GLIS3: variants seen among roughly 807,000 people sequenced by gnomAD.
GLIS3 encodes the protein zinc finger protein GLIS3.
GLIS3 carries 53 observed loss-of-function variants against 78.6 expected under a neutral mutation model. The observed-to-expected ratio is 0.67, with a 90% CI of 0.54 to 0.85. GLIS3 has a LOEUF of 0.85. Ranked by LOEUF, GLIS3 falls within the 40% of genes least tolerant of loss-of-function variation. The probability of loss-of-function intolerance (pLI) is 0.00; values close to 1 mark genes in which losing one functional copy is unlikely to be tolerated. For missense variants in GLIS3, 1,703 were observed against 1,231.1 expected, an observed-to-expected ratio of 1.38 and a Z score of -5.74; for synonymous variants, 684 against 509.9, an observed-to-expected ratio of 1.34 and a Z score of -4.60.
chr9:4,452,285 C>T, the GLIS3 span, among the ~76,000 whole-genome samples: 9 of 152,254 alleles, frequency 5.9e-5, no homozygotes, highest in South Asian at 1.0e-3. Context: ...TCCTCTCTCA[C>T]CACCCTTATT....
intron 4 of GLIS3, among the ~76,000 whole-genome samples, chr9:3,953,862 C>T (rs1193387579): frequency 6.9e-6 from 1 of 145,546 alleles, no homozygotes; most frequent in Non-Finnish European, 1.5e-5. Context: ...GTCACACACA[C>T]AAACACATGC....
intron 4 of GLIS3, among the ~76,000 whole-genome samples, chr9:3,983,022 C>T (rs962689086): frequency 6.6e-6 from 1 of 152,206 alleles, no homozygotes; most frequent in South Asian, 2.1e-4. Flanking sequence ...ATTTCCTGCA[C>T]ATGGAGCTTG....
intron 4 of GLIS3, among the ~76,000 whole-genome samples, chr9:4,101,722 C>A (rs952495534): frequency 5.3e-5 from 8 of 152,084 alleles, no homozygotes; most frequent in African/African-American, 1.9e-4. Context: ...TAAGCACTGC[C>A]GGCTTGACAT....
rs561262659 is a variant in GLIS3, at chr9:3,828,243, T to C, written c.*29A>G. ...AAGGTGGCAAGCAACATCAAGGTCC[T>C]GGGTGTGCAGGAGTGGCCAAGAGAG... On this transcript the variant is annotated 3_prime_UTR_variant, in exon 11 of 11. Transcript: ENST00000381971. The C allele has an allele frequency of 1.9e-6, 3 of 1,613,786 alleles. No individual in the cohort carries two copies. In the Admixed American group the frequency reaches 5.0e-5, roughly 27 times the overall value.
chr9:3,829,483 C>T lies in GLIS3; in HGVS notation c.2483G>A (p.Gly828Glu), dbSNP rs1817922832. The change falls in exon 10 of 11, where the codon GGG becomes GAG. Residue 828 changes from glycine to glutamate, a missense_variant. Transcript: ENST00000381971. ...PNGIHVHGFY[G>E]QLQKFCPPHY... is the part of the protein sequence containing the mutation. ...TGGGGGACAGAACTTCTGCAGCTGCCCATAAAATCCTGAAACGCAAGCATG... is the reference window on the plus strand; with the variant it reads ...TGGGGGACAGAACTTCTGCAGCTGCTCATAAAATCCTGAAACGCAAGCATG... The T allele has an allele frequency of 3.7e-6, 6 of 1,613,910 alleles. No individual in the cohort carries two copies. In the Admixed American group the frequency reaches 8.3e-5, roughly 22 times the overall value.
At chr9:4,065,943 A>C (rs184220407) in intron 4 of GLIS3, among the ~76,000 whole-genome samples, 21 of 152,226 alleles carry the variant, frequency 1.4e-4, no homozygotes, top group Non-Finnish European at 2.9e-4. Flanking sequence ...TTTTTGGCAC[A>C]TAAAAAATAT....
the GLIS3 span, among the ~76,000 whole-genome samples, chr9:4,375,101 C>G: frequency 1.3e-5 from 2 of 152,308 alleles, no homozygotes; most frequent in Admixed American, 1.3e-4. Flanking sequence ...CCTATCTTAT[C>G]CTGACAGAAC....
At chr9:4,240,463 G>A (rs1587106756) in intron 2 of GLIS3, among the ~76,000 whole-genome samples, 2 of 151,994 alleles carry the variant, frequency 1.3e-5, no homozygotes, top group Non-Finnish European at 1.5e-5. Context: ...TGGGGATTGG[G>A]AACCCCTGAT....
intron 2 of GLIS3, chr9:4,285,714 C>A: frequency 2.8e-6 from 1 of 351,828 alleles, no homozygotes; most frequent in Non-Finnish European, 5.4e-6. Context: ...TACCTGTATC[C>A]GGAGGGCATG....
intron 4 of GLIS3, among the ~76,000 whole-genome samples, chr9:3,949,123 T>G (rs1816498632): frequency 6.6e-6 from 1 of 152,174 alleles, no homozygotes; most frequent in South Asian, 2.1e-4. Flanking sequence ...TTTCAAGAGG[T>G]CAAGGAGATA....
At chr9:4,117,013 T>G (rs1389331830) in intron 4 of GLIS3, among the ~76,000 whole-genome samples, 1 of 152,110 alleles carries the variant, frequency 6.6e-6, no homozygotes, top group Non-Finnish European at 1.5e-5. Flanking sequence ...ATAGTAAATT[T>G]TGCCAAGAAA....
the GLIS3 span, among the ~76,000 whole-genome samples, chr9:4,481,887 C>G: frequency 1.3e-5 from 2 of 152,214 alleles, no homozygotes; most frequent in Non-Finnish European, 2.9e-5. Flanking sequence ...TGACACTACC[C>G]ATTTCTCCAT....
At chr9:4,357,881 G>A in the GLIS3 span, among the ~76,000 whole-genome samples, 1 of 152,188 alleles carries the variant, frequency 6.6e-6, no homozygotes, top group Non-Finnish European at 1.5e-5. Flanking sequence ...GGACAAAGAT[G>A]TTTGCTGTTA....
the GLIS3 span, among the ~76,000 whole-genome samples, chr9:4,354,698 G>A: frequency 6.6e-6 from 1 of 152,100 alleles, no homozygotes; most frequent in African/African-American, 2.4e-5. Flanking sequence ...TGGCAGCACT[G>A]GAGTGATGCA....
At chr9:4,340,585 G>T (rs1252070166) in intron 2 of GLIS3, among the ~76,000 whole-genome samples, 1 of 152,202 alleles carries the variant, frequency 6.6e-6, no homozygotes, top group Non-Finnish European at 1.5e-5. Context: ...ATGAGGGAGT[G>T]AGGGTGATGG....
chr9:4,186,989 CTTTAG>C (rs997408902), intron 2 of GLIS3, among the ~76,000 whole-genome samples: 27 of 152,258 alleles, frequency 1.8e-4, no homozygotes, highest in African/African-American at 6.3e-4. Context: ...TGCAGAAGCT[CTTTAG>C]TTTAATTAGA....
rs1038430465 is a variant in GLIS3, at chr9:4,295,182, C to CT, written c.-99+4238dup. On this transcript the variant is annotated intron_variant, in intron 1 of 10. Coordinates refer to ENST00000381971, the MANE Select transcript of GLIS3 (RefSeq NM_001042413.2). ...GTTCAATACTGAAACCAGGCACTTA[C>CT]TTTTTTTTTTATTATGGGGGTTGCT... 9.4e-4 allele frequency among the ~76,000 whole-genome samples: 140 copies of CT among 149,142 alleles called. 2 individuals carry two copies. The East Asian group carries it at 0.02, about 21-fold the overall frequency.
At chr9:4,440,235 T>C in the GLIS3 span, among the ~76,000 whole-genome samples, 1 of 152,206 alleles carries the variant, frequency 6.6e-6, no homozygotes, top group East Asian at 1.9e-4. Flanking sequence ...TTGCCTGTGA[T>C]TTTGAGGTCT....
In GLIS3 at chr9:3,961,540, C is replaced by G. The variant is rs543139652; in HGVS notation, c.1711-24351G>C. ...GTTGAAAGTTTCTTGATTGTAAATG[C>G]AAAACTATTCCAAAATCAAGGTTGC... On this transcript the variant is annotated intron_variant, in intron 4 of 10. Transcript: ENST00000381971. Among the ~76,000 whole-genome samples, 12 of 152,268 alleles carry G rather than the reference C, an allele frequency of 7.9e-5. No homozygotes were observed. In the South Asian group the frequency reaches 2.3e-3, roughly 29 times the overall value.
Sources: gnomAD v4.1 joint callset for allele counts (sites outside exome capture counted in the v4.1 genomes callset) on GRCh38, gnomAD v4.1.1 for gene constraint, MANE v1.5 for transcripts, NCBI Gene and HGNC (gene_info 2026-07-23, HGNC 2026-07-21) for gene names.